NRCAM: variants seen among roughly 807,000 people sequenced by gnomAD.
NRCAM encodes neuronal cell adhesion molecule.
Under a neutral mutation model 156.5 loss-of-function variants are expected in NRCAM, and 83 were observed. The observed-to-expected ratio is 0.53, with a 90% confidence interval of 0.44 to 0.64. NRCAM has a LOEUF of 0.64. NRCAM is among the 30% of genes least tolerant of loss of function. The probability of loss-of-function intolerance (pLI) is 0.00; values close to 1 mark genes in which losing one functional copy is unlikely to be tolerated. For synonymous variants in NRCAM, 538 were observed against 563.9 expected (o/e 0.95, Z 0.65); for missense variants, 1,417 against 1,597.3 (o/e 0.89, Z 1.92).
At chr7:108,369,836 A>G (rs1189314918) in intron 2 of NRCAM, among the ~76,000 whole-genome samples, 1 of 152,116 alleles carries the variant, frequency 6.6e-6, no homozygotes, top group Non-Finnish European at 1.5e-5. Context: ...ATTATGCTTC[A>G]GGTACTTAGA....
chr7:108,234,585 TG>T lies in NRCAM; in HGVS notation c.227del (p.Pro76GlnfsTer22). The T allele has an allele frequency of 6.3e-7, 1 of 1,583,418 alleles. No homozygotes were observed. Among genetic ancestry groups the T allele is most frequent in the Non-Finnish European group, 8.7e-7 (1 of 1,152,904 alleles). ...AACAAAGCAGAATGCACACTCACCT[TG>T]GGGGCGGTTTCCCTTTGGCTTCACA... ...IQCEAKGKPP[P>X]SFSWTRNGTH... is the part of the protein sequence containing the mutation. On this transcript the variant is annotated frameshift_variant, in exon 6 of 33. Coordinates refer to ENST00000379028, the MANE Select transcript of NRCAM (RefSeq NM_001037132.4). LOFTEE classifies it high-confidence loss of function.
At position 108,150,158 on chromosome 7, in the gene NRCAM, G is replaced by C. The variant is rs756119219; in HGVS notation, c.3678-11C>G. The stretch of plus-strand genomic sequence containing the variant: ...TGGTCTTCTGCATCACTGGAAGAAA[G>C]AGAAAACATTTTTGTCAAGATTGGC... On this transcript the variant is annotated splice_polypyrimidine_tract_variant and intron_variant, in intron 32 of 32. Transcript: ENST00000379028. 22 of 1,579,816 alleles carry C rather than the reference G, an allele frequency of 1.4e-5. No homozygotes were observed. The Admixed American group carries it at 2.2e-4, about 16-fold the overall frequency.
intron 29 of NRCAM, among the ~76,000 whole-genome samples, chr7:108,167,709 T>C (rs1056209541): frequency 6.6e-6 from 1 of 152,230 alleles, no homozygotes; most frequent in Admixed American, 6.5e-5. Flanking sequence ...TGGCTTTTCA[T>C]AAACTGCTGA....
chr7:108,232,433 T>A lies in NRCAM; in HGVS notation c.320A>T (p.Asn107Ile), dbSNP rs200304842. 4.1e-5 allele frequency: 66 copies of A among 1,612,708 alleles called. No homozygotes were observed. Among genetic ancestry groups the A allele is most frequent in the Non-Finnish European group, 5.9e-6 (7 of 1,178,928 alleles). Residue 107 changes from asparagine (N) to isoleucine (I), a missense_variant, in exon 7 of 33, where the codon AAC becomes ATC. This residue lies in a region of NRCAM where 1,238 missense variants were observed against 1,336.4 expected (regional missense o/e 0.93). Coordinates refer to ENST00000379028, the MANE Select transcript of NRCAM (RefSeq NM_001037132.4). Reference sequence around the variant, plus strand: ...CTCAGCTTTCCCTTCGCTCATGATGTTAATTATGAGCGTTCCTGTGCCAGG... The same window carrying A: ...CTCAGCTTTCCCTTCGCTCATGATGATAATTATGAGCGTTCCTGTGCCAGG... The part of the protein sequence containing the change: ...MKPGTGTLII[N>I]IMSEGKAETY...
chr7:108,375,286 A>C (rs969398418), intron 2 of NRCAM, among the ~76,000 whole-genome samples: 2 of 152,112 alleles, frequency 1.3e-5, no homozygotes, highest in African/African-American at 2.4e-5. Context: ...TGAATCAATG[A>C]ATAATTCTAT....
intron 17 of NRCAM, 46 bp from the exon 18 acceptor site, chr7:108,191,899 G>A (rs372208556): frequency 9.5e-6 from 15 of 1,577,724 alleles, no homozygotes; most frequent in African/African-American, 2.7e-5. Context: ...ACATGCAGCC[G>A]TACCCTATAA....
chr7:108,178,504 G>C (rs1179832494), intron 25 of NRCAM: 1 of 240,576 alleles, frequency 4.2e-6, no homozygotes, highest in African/African-American at 2.3e-5. Context: ...GGACCATTAA[G>C]GACTGTTTTC....
chr7:108,376,623 C>T (rs2099676864), intron 2 of NRCAM, among the ~76,000 whole-genome samples: 1 of 152,086 alleles, frequency 6.6e-6, no homozygotes. Context: ...GGTATGCCTG[C>T]CTAATTCTCT....
chr7:108,368,239 C>CCCG (rs2099606017), intron 2 of NRCAM, among the ~76,000 whole-genome samples: 2 of 131,716 alleles, frequency 1.5e-5, no homozygotes, highest in East Asian at 2.8e-4. Context: ...CCCCCACCCC[C>CCCG]CCGCCTGCTC....
chr7:108,190,292 C>T (rs1462207156), intron 19 of NRCAM, among the ~76,000 whole-genome samples: 1 of 152,148 alleles, frequency 6.6e-6, no homozygotes, highest in East Asian at 1.9e-4. Context: ...AGTGTGTTTA[C>T]TCCCAGAGGA....
intron 26 of NRCAM, 153 bp from the exon 27 acceptor site, chr7:108,176,759 C>T: frequency 1.7e-6 from 1 of 600,052 alleles, no homozygotes; most frequent in Non-Finnish European, 2.9e-6. Flanking sequence ...AAGTGATAAC[C>T]TTTTAACAGC....
At chr7:108,423,864 T>C (rs1054486764) in intron 1 of NRCAM, among the ~76,000 whole-genome samples, 18 of 152,238 alleles carry the variant, frequency 1.2e-4, no homozygotes, top group African/African-American at 4.1e-4. Flanking sequence ...AGCCACATAA[T>C]TGACATATGC....
intron 3 of NRCAM, among the ~76,000 whole-genome samples, chr7:108,292,167 A>G (rs1315870329): frequency 2.0e-5 from 3 of 152,204 alleles, no homozygotes; most frequent in Non-Finnish European, 4.4e-5. Flanking sequence ...TAAAAGTGCT[A>G]TGTGGCTTCA....
chr7:108,341,027 G>A (rs1281218442), intron 2 of NRCAM, among the ~76,000 whole-genome samples: 2 of 152,216 alleles, frequency 1.3e-5, no homozygotes, highest in Non-Finnish European at 2.9e-5. Context: ...TCTGGAACAC[G>A]GAAAGGCTGG....
chr7:108,431,867 T>C (rs1013634231), intron 1 of NRCAM, among the ~76,000 whole-genome samples: 3 of 152,236 alleles, frequency 2.0e-5, no homozygotes, highest in Non-Finnish European at 4.4e-5. Flanking sequence ...AAGTTAGTTT[T>C]AAAAGATTTA....
chr7:108,353,052 T>TA (rs58322692), intron 2 of NRCAM, among the ~76,000 whole-genome samples: 25,463 of 143,658 alleles, frequency 0.18, 2,614 homozygotes, highest in East Asian at 0.45. Context: ...GTGCTCATTG[T>TA]AAAAAAAAAA....
At chr7:108,451,798 G>C (rs1850710359) in intron 1 of NRCAM, among the ~76,000 whole-genome samples, 1 of 152,170 alleles carries the variant, frequency 6.6e-6, no homozygotes, top group Non-Finnish European at 1.5e-5. Flanking sequence ...TGGGGGCTGA[G>C]GGGTTATGAA....
At chr7:108,154,052 A>C (rs1177301429) in intron 32 of NRCAM, among the ~76,000 whole-genome samples, 1 of 152,154 alleles carries the variant, frequency 6.6e-6, no homozygotes, top group Non-Finnish European at 1.5e-5. Flanking sequence ...TTTTATGTGG[A>C]TCTTGGCAGG....
At chr7:108,225,555 G>C in intron 10 of NRCAM, 90 bp downstream of exon 10, 2 of 817,914 alleles carry the variant, frequency 2.4e-6, no homozygotes, top group Non-Finnish European at 2.2e-6. Flanking sequence ...ATCTCATAAA[G>C]AAATAAGGTT....
Sources: gnomAD v4.1 joint callset for allele counts (sites outside exome capture counted in the v4.1 genomes callset) on GRCh38, gnomAD v4.1.1 for gene constraint, gnomAD v4.1.1 regional missense constraint, MANE v1.5 for transcripts, NCBI Gene and HGNC (gene_info 2026-07-23, HGNC 2026-07-21) for gene names.